The following MID1 variants were observed in gnomAD, a reference collection of about 807,000 sequenced individuals.
MID1 encodes midline 1.
Under a neutral mutation model 40.4 loss-of-function variants are expected in MID1, and 7 were observed. That is an observed-to-expected ratio of 0.17 (90% confidence interval 0.10 to 0.33). The LOEUF is 0.33. MID1 is among the 10% of genes least tolerant of loss of function. The probability of loss-of-function intolerance (pLI) is 1.00; values close to 1 mark genes in which losing one functional copy is unlikely to be tolerated. For synonymous variants in MID1, 229 were observed against 221.2 expected, an observed-to-expected ratio of 1.04 and a Z score of -0.31; for missense variants, 367 against 558.5, an observed-to-expected ratio of 0.66 and a Z score of 3.46.
chrX:10,578,159 C>T (rs1934921626), intron 1 of MID1, among the ~76,000 whole-genome samples: 1 of 112,553 alleles, frequency 8.9e-6, no homozygotes, highest in African/African-American at 3.2e-5. Flanking sequence ...GATTTTTTGG[C>T]TTATGTCTCT....
At chrX:10,820,441 T>C (rs780755902) in intron 1 of MID1, among the ~76,000 whole-genome samples, 2 of 112,052 alleles carry the variant, frequency 1.8e-5, no homozygotes, top group Non-Finnish European at 3.8e-5. Flanking sequence ...TTTGTTATAA[T>C]GTCATCTATG....
At chrX:10,524,581 G>T (rs1277694352) in intron 2 of MID1, among the ~76,000 whole-genome samples, 2 of 111,231 alleles carry the variant, frequency 1.8e-5, no homozygotes, top group Non-Finnish European at 3.8e-5. Context: ...ATTTACTTAT[G>T]TGTTCATACA....
At chrX:10,817,439 G>A (rs1046397444) in intron 1 of MID1, among the ~76,000 whole-genome samples, 1 of 110,733 alleles carries the variant, frequency 9.0e-6, no homozygotes, top group Non-Finnish European at 1.9e-5. Context: ...GTAGGAGTTT[G>A]GAAAACTCCT....
intron 3 of MID1, among the ~76,000 whole-genome samples, chrX:10,511,798 T>A (rs1428467374): frequency 8.9e-6 from 1 of 112,587 alleles, no homozygotes; most frequent in Non-Finnish European, 1.9e-5. Flanking sequence ...TAATGAGATA[T>A]CTTGGGGATA....
chrX:10,452,660 C>A (rs760791960), intron 9 of MID1, among the ~76,000 whole-genome samples: 29 of 111,941 alleles, frequency 2.6e-4, no homozygotes, highest in Non-Finnish European at 3.8e-4. Context: ...GCTAATACCC[C>A]CCAAGGAAAT....
chrX:10,459,313 A>G (rs1928879181), intron 8 of MID1, among the ~76,000 whole-genome samples: 1 of 112,148 alleles, frequency 8.9e-6, no homozygotes, highest in South Asian at 3.7e-4. Context: ...CACCATTTAC[A>G]GAGCCCCTAC....
intron 1 of MID1, among the ~76,000 whole-genome samples, chrX:10,608,699 C>G (rs1250919081): frequency 9.0e-6 from 1 of 111,536 alleles, no homozygotes; most frequent in Non-Finnish European, 1.9e-5. Flanking sequence ...AACAACACAG[C>G]CCTGGGAAAC....
intron 6 of MID1, among the ~76,000 whole-genome samples, chrX:10,474,307 C>T (rs898601612): frequency 8.9e-6 from 1 of 111,972 alleles, no homozygotes; most frequent in Non-Finnish European, 1.9e-5. Context: ...TTGTGAGTTG[C>T]TTACTACTAT....
chrX:10,812,721 T>C (rs2044110402), intron 1 of MID1, among the ~76,000 whole-genome samples: 1 of 111,780 alleles, frequency 8.9e-6, no homozygotes, highest in South Asian at 3.8e-4. Flanking sequence ...GTGTACAGCA[T>C]GAAATACTGT....
intron 2 of MID1, among the ~76,000 whole-genome samples, chrX:10,544,423 G>A (rs1933602837): frequency 8.9e-6 from 1 of 111,904 alleles, no homozygotes; most frequent in Admixed American, 9.5e-5. Flanking sequence ...AATGCACAAT[G>A]TGGAAGGCCT....
At chrX:10,544,087 A>C (rs777070230) in intron 2 of MID1, among the ~76,000 whole-genome samples, 1 of 111,972 alleles carries the variant, frequency 8.9e-6, no homozygotes, top group African/African-American at 3.2e-5. Flanking sequence ...TGGAACTCCA[A>C]ACCAGTTCCA....
chrX:10,662,321 G>C (rs966961512), intron 1 of MID1, among the ~76,000 whole-genome samples: 62 of 110,195 alleles, frequency 5.6e-4, no homozygotes, highest in African/African-American at 1.8e-3. Flanking sequence ...AACAAACAAA[G>C]AAACAAACAG....
chrX:10,465,254 C>CACACACACACAT (rs1929317335), intron 7 of MID1, among the ~76,000 whole-genome samples: 1 of 96,825 alleles, frequency 1.0e-5, no homozygotes, highest in African/African-American at 4.1e-5. Context: ...CACACACACA[C>CACACACACACAT]ACACACATAC....
chrX:10,547,605 A>AAGGGAGGGAGGG (rs879409869), intron 2 of MID1, among the ~76,000 whole-genome samples: 22 of 95,441 alleles, frequency 2.3e-4, no homozygotes, highest in African/African-American at 1.0e-3. Flanking sequence ...GGAAGGAAAG[A>AAGGGAGGGAGGG]AGGGAGGGTA....
intron 1 of MID1, among the ~76,000 whole-genome samples, chrX:10,827,237 T>TA (rs1176371522): frequency 1.8e-5 from 2 of 111,325 alleles, no homozygotes; most frequent in East Asian, 5.7e-4. Context: ...GGAGGTATCT[T>TA]ACATTTGTTG....
At chrX:10,664,793 C>T (rs1238141639) in intron 1 of MID1, among the ~76,000 whole-genome samples, 1 of 112,031 alleles carries the variant, frequency 8.9e-6, no homozygotes, top group Non-Finnish European at 1.9e-5. Flanking sequence ...CATCAAAGTC[C>T]TTTCTTGCAC....
At chrX:10,679,971 C>A (rs1343416625) in intron 1 of MID1, among the ~76,000 whole-genome samples, 1 of 112,200 alleles carries the variant, frequency 8.9e-6, no homozygotes, top group Non-Finnish European at 1.9e-5. Context: ...AATACACACA[C>A]GTAATTAGTA....
rs200734004 is a variant in MID1, at chrX:10,757,609, C to T, written c.-187+75945G>A. 2.9e-4 allele frequency among the ~76,000 whole-genome samples: 33 copies of T among 112,211 alleles called. No homozygotes were observed. The East Asian group carries it at 3.1e-3, about 10-fold the overall frequency. On this transcript the variant is annotated intron_variant, in intron 1 of 10. Coordinates refer to the MID1 transcript ENST00000380785. ...TTTTTTTGGATTAAATTAAGTATTT[C>T]TGAAACTATCTCATTAGAAAAGAAC... is the stretch of plus-strand genomic sequence containing the variant.
chrX:10,781,692 T>A (rs2043847258), intron 1 of MID1, among the ~76,000 whole-genome samples: 1 of 112,273 alleles, frequency 8.9e-6, no homozygotes, highest in South Asian at 3.7e-4. Flanking sequence ...TTTAGGATGA[T>A]CTTTTGGATC....
Sources: allele counts gnomAD v4.1 joint callset (sites outside exome capture counted in the v4.1 genomes callset), GRCh38; gene constraint gnomAD v4.1.1; transcripts MANE v1.5; gene names NCBI Gene and HGNC (gene_info 2026-07-23, HGNC 2026-07-21).